ZFHX3: variants seen among roughly 807,000 people sequenced by gnomAD.
ZFHX3 encodes zinc finger homeobox protein 3.
In ZFHX3, 42 loss-of-function variants were observed where a neutral mutation model predicts 279.1. The ratio of observed to expected loss-of-function variants is 0.15; its 90% CI spans 0.12 to 0.19. The LOEUF (loss-of-function observed/expected upper bound fraction) is 0.19. ZFHX3 is among the 10% of genes least tolerant of loss of function. The probability of loss-of-function intolerance (pLI) is 1.00; values close to 1 mark genes in which losing one functional copy is unlikely to be tolerated. For missense variants in ZFHX3, 4,981 were observed against 4,754.0 expected, an observed-to-expected ratio of 1.05 and a Z score of -1.40; for synonymous variants, 2,293 against 1,957.8, an observed-to-expected ratio of 1.17 and a Z score of -4.52.
intron 5 of ZFHX3, among the ~76,000 whole-genome samples, chr16:73,153,574 T>C (rs1483974717): frequency 1.3e-5 from 2 of 152,236 alleles, no homozygotes; most frequent in African/African-American, 4.8e-5. Context: ...CCTTTCCCTC[T>C]GGTCACCATT....
intron 2 of ZFHX3, among the ~76,000 whole-genome samples, chr16:73,630,716 A>G (rs998205723): frequency 2.0e-5 from 3 of 152,246 alleles, no homozygotes; most frequent in African/African-American, 7.2e-5. Flanking sequence ...CTGTTCACTC[A>G]TAAACTGGCA....
Position 73,295,671 on chromosome 16 carries a change from G to A in ZFHX3, c.-1194+22569C>T, listed in dbSNP as rs538779068. Reference sequence around the variant, plus strand: ...CACAGATGGGAAGCTGCTGTGAAGCGCCTGATGGAGGGTCACCAGGAAAAA... The same window carrying A: ...CACAGATGGGAAGCTGCTGTGAAGCACCTGATGGAGGGTCACCAGGAAAAA... On this transcript the variant is annotated intron_variant, in intron 4 of 17. Transcript: ENST00000641206. 7.9e-5 allele frequency among the ~76,000 whole-genome samples: 12 copies of A among 152,294 alleles called. No homozygotes were observed. In the East Asian group the frequency reaches 1.2e-3, roughly 15 times the overall value.
At chr16:73,545,288 C>A (rs2020090446) in intron 2 of ZFHX3, among the ~76,000 whole-genome samples, 1 of 152,144 alleles carries the variant, frequency 6.6e-6, no homozygotes, top group South Asian at 2.1e-4. Context: ...TCTCTCTTTC[C>A]TTTTCTTCTC....
At chr16:73,706,467 A>AC (rs1344691350) in intron 1 of ZFHX3, among the ~76,000 whole-genome samples, 2 of 151,994 alleles carry the variant, frequency 1.3e-5, no homozygotes, top group Non-Finnish European at 2.9e-5. Context: ...AAAAAAAAAA[A>AC]AAAAAAAGAG....
At chr16:73,300,249 T>G in intron 4 of ZFHX3, among the ~76,000 whole-genome samples, 1 of 121,742 alleles carries the variant, frequency 8.2e-6, no homozygotes. Context: ...GGTGACAGAG[T>G]GAGACTCTGT....
chr16:72,905,035 T>C (rs1475287197), intron 3 of ZFHX3, among the ~76,000 whole-genome samples: 1 of 152,144 alleles, frequency 6.6e-6, no homozygotes, highest in Non-Finnish European at 1.5e-5. Flanking sequence ...AGACGGGGTT[T>C]CATCATGTTG....
At chr16:73,425,065 T>G (rs1295134806) in intron 3 of ZFHX3, among the ~76,000 whole-genome samples, 1 of 152,178 alleles carries the variant, frequency 6.6e-6, no homozygotes, top group African/African-American at 2.4e-5. Context: ...GCCCTTTTCC[T>G]GCCCTCTCTG....
At chr16:73,259,713 G>C (rs1306932991) in intron 4 of ZFHX3, among the ~76,000 whole-genome samples, 1 of 152,272 alleles carries the variant, frequency 6.6e-6, no homozygotes, top group Admixed American at 6.5e-5. Flanking sequence ...TGCAAAAATA[G>C]TGAAGAGAAT....
At chr16:72,864,793 T>C (rs982204218) in intron 4 of ZFHX3, among the ~76,000 whole-genome samples, 1 of 152,196 alleles carries the variant, frequency 6.6e-6, no homozygotes. Context: ...CCATCAATCA[T>C]CTACATAGCA....
intron 5 of ZFHX3, among the ~76,000 whole-genome samples, chr16:73,222,710 C>G (rs543929580): frequency 1.3e-5 from 2 of 152,146 alleles, no homozygotes; most frequent in African/African-American, 4.8e-5. Flanking sequence ...TGTTTATTGA[C>G]AAACTGATTC....
intron 5 of ZFHX3, among the ~76,000 whole-genome samples, chr16:73,219,428 T>C (rs1597226531): frequency 2.0e-5 from 3 of 152,232 alleles, no homozygotes; most frequent in South Asian, 2.1e-4. Context: ...AGGCCAGAAA[T>C]AAAGCAAGAA....
chr16:73,606,620 G>A (rs2052186344), intron 2 of ZFHX3, among the ~76,000 whole-genome samples: 1 of 152,048 alleles, frequency 6.6e-6, no homozygotes, highest in South Asian at 2.1e-4. Context: ...TATGCAGGAT[G>A]TGCAGGTTTG....
chr16:73,477,512 A>G (rs918339378), intron 2 of ZFHX3, among the ~76,000 whole-genome samples: 2 of 152,206 alleles, frequency 1.3e-5, no homozygotes, highest in African/African-American at 2.4e-5. Context: ...AGACTATTCT[A>G]TGTTCTATGG....
chr16:73,366,459 T>C (rs2016530111), intron 3 of ZFHX3, among the ~76,000 whole-genome samples: 1 of 151,996 alleles, frequency 6.6e-6, no homozygotes. Flanking sequence ...GGGCTGGGCA[T>C]GGTGGTTCAC....
intron 1 of ZFHX3, among the ~76,000 whole-genome samples, chr16:73,735,897 T>TCG (rs1555536004): frequency 1.0e-3 from 6 of 6,012 alleles, no homozygotes; most frequent in African/African-American, 1.3e-3. Flanking sequence ...TTCCGTTTTT[T>TCG]TTTTTTTTTT....
intron 1 of ZFHX3, among the ~76,000 whole-genome samples, chr16:73,768,808 G>T (rs1443629827): frequency 6.6e-6 from 1 of 152,158 alleles, no homozygotes; most frequent in Non-Finnish European, 1.5e-5. Context: ...GTGATGAGTA[G>T]TGGCGACCTA....
At chr16:73,062,419 C>G (rs143004926), upstream of ZFHX3, 1 of 152,122 alleles carries the variant, frequency 6.6e-6, no homozygotes, top group Non-Finnish European at 1.5e-5. Context: ...TGTGAGTGCT[C>G]GCTCACTGGG....
In ZFHX3 at chr16:72,794,358, G is replaced by A. The variant is rs1203103314; in HGVS notation, c.8324C>T (p.Pro2775Leu). The A allele has an allele frequency of 6.2e-7, 1 of 1,602,188 alleles. No individual in the cohort carries two copies. The highest frequency in any genetic ancestry group is 8.5e-7 in the Non-Finnish European group (1 of 1,173,908). Residue 2775 changes from proline (P) to leucine (L), a missense_variant, in exon 9 of 10, where the codon CCA (proline) becomes CTA (leucine). Physicochemically the swap from Pro to Leu is moderately conservative, Grantham distance 98. Transcript: ENST00000268489. This position sits in a 1 kb window ranked among gnomAD's most constrained non-coding sequence, Gnocchi z 4.2. ...GACACCCTGACCATCACTACTGCTT[G>A]GGGGTAGGTGGGAAAAGCTAGTTCC... ...FDGTSFSHLP[P>L]SSSDGQGVPL...
intron 3 of ZFHX3, among the ~76,000 whole-genome samples, chr16:72,937,648 C>T (rs1373065797): frequency 1.3e-5 from 2 of 152,310 alleles, no homozygotes; most frequent in South Asian, 2.1e-4. Context: ...TCAGGGCCAC[C>T]GCCATGCTAC....
Sources: allele counts gnomAD v4.1 joint callset (sites outside exome capture counted in the v4.1 genomes callset), GRCh38; gene constraint gnomAD v4.1.1; non-coding constraint Gnocchi (gnomAD v3.1); transcripts MANE v1.5; gene names NCBI Gene and HGNC (gene_info 2026-07-23, HGNC 2026-07-21).